The following PPP4R4 variants were observed in gnomAD, a reference collection of about 807,000 sequenced individuals.
PPP4R4 encodes the protein protein phosphatase 4 regulatory subunit 4.
In PPP4R4, 70 loss-of-function variants were observed where a neutral mutation model predicts 121.8. The observed-to-expected ratio is 0.57, with a 90% CI of 0.47 to 0.70. The LOEUF is 0.70. Ranked by LOEUF, PPP4R4 falls within the 30% of genes least tolerant of loss-of-function variation. PPP4R4 has a pLI of 0.00. For synonymous variants in PPP4R4, 348 were observed against 355.7 expected (o/e 0.98, Z 0.24); for missense variants, 875 against 1,033.6 (o/e 0.85, Z 2.10).
intron 2 of PPP4R4, among the ~76,000 whole-genome samples, chr14:94,181,672 C>T (rs185552986): frequency 2.4e-3 from 364 of 152,250 alleles, no homozygotes; most frequent in Non-Finnish European, 3.8e-3. Context: ...ATGAAGCAGT[C>T]TGAAAGCATG....
chr14:94,186,710 C>T (rs1229472564), intron 2 of PPP4R4, among the ~76,000 whole-genome samples: 1 of 152,140 alleles, frequency 6.6e-6, no homozygotes, highest in Non-Finnish European at 1.5e-5. Flanking sequence ...ACATTTCCAC[C>T]AGCAGTATAT....
chr14:94,227,511 G>A, intron 3 of PPP4R4: 2 of 1,337,968 alleles, frequency 1.5e-6, no homozygotes, highest in Non-Finnish European at 1.9e-6. Context: ...GTTGAAGTCA[G>A]CACAACAAGA....
chr14:94,211,452 G>A (rs116980705), intron 3 of PPP4R4, among the ~76,000 whole-genome samples: 1 of 152,148 alleles, frequency 6.6e-6, no homozygotes, highest in African/African-American at 2.4e-5. Context: ...AAGTAGTTCA[G>A]GTGGAGAGAA....
chr14:94,216,610 T>C, intron 3 of PPP4R4, among the ~76,000 whole-genome samples: 1 of 151,924 alleles, frequency 6.6e-6, no homozygotes, highest in East Asian at 1.9e-4. Context: ...GTGATAAAGG[T>C]GTGGTGGTGA....
At chr14:94,208,060 C>T (rs1039631265) in intron 2 of PPP4R4, among the ~76,000 whole-genome samples, 20 of 151,756 alleles carry the variant, frequency 1.3e-4, no homozygotes, top group African/African-American at 4.8e-4. Context: ...GTCCCTGTTG[C>T]TATGACTATT....
chr14:94,253,763 C>A (rs930479812), intron 16 of PPP4R4, among the ~76,000 whole-genome samples: 3 of 152,168 alleles, frequency 2.0e-5, no homozygotes, highest in Non-Finnish European at 2.9e-5. Flanking sequence ...TGCAGGGCAG[C>A]AGATTATTGT....
intron 2 of PPP4R4, among the ~76,000 whole-genome samples, chr14:94,192,297 A>T (rs1243589184): frequency 2.6e-5 from 4 of 152,164 alleles, no homozygotes; most frequent in Non-Finnish European, 5.9e-5. Flanking sequence ...TTGAAAAATT[A>T]CTGATGTTAG....
intron 2 of PPP4R4, among the ~76,000 whole-genome samples, chr14:94,184,057 A>G (rs1185769925): frequency 1.3e-5 from 2 of 152,174 alleles, no homozygotes; most frequent in Non-Finnish European, 2.9e-5. Flanking sequence ...ATTCATCCCA[A>G]CGCTCCCTCT....
At chr14:94,239,855 A>T (rs537463315) in intron 8 of PPP4R4, among the ~76,000 whole-genome samples, 2 of 152,272 alleles carry the variant, frequency 1.3e-5, no homozygotes, top group African/African-American at 4.8e-5. Flanking sequence ...ACCATTTATT[A>T]TTCATATTTC....
At chr14:94,229,570 G>A (rs763219464) in intron 3 of PPP4R4, among the ~76,000 whole-genome samples, 2 of 152,078 alleles carry the variant, frequency 1.3e-5, no homozygotes, top group Admixed American at 1.3e-4. Flanking sequence ...CGTTCATTTT[G>A]CACAAGTTGA....
At chr14:94,180,694 G>A (rs1177447867) in intron 2 of PPP4R4, among the ~76,000 whole-genome samples, 1 of 149,644 alleles carries the variant, frequency 6.7e-6, no homozygotes, top group Non-Finnish European at 1.5e-5. Flanking sequence ...CGGTCACAGT[G>A]CTCTAACTCC....
At chr14:94,237,457 A>G in intron 7 of PPP4R4, 108 bp from the exon 8 acceptor site, 2 of 1,020,178 alleles carry the variant, frequency 2.0e-6, no homozygotes, top group Non-Finnish European at 2.9e-6. Flanking sequence ...CAGTATCTTT[A>G]TGATTTTTCA....
At position 94,267,013 on chromosome 14, in the gene PPP4R4, T is replaced by C. The variant is rs1894087210; in HGVS notation, c.2433T>C (p.Ser811=). Reference sequence around the variant, plus strand: ...CTGTCTCAGGGTTAGGAAAGACTTCTGTGCTTTCACTAGCTGGTAAGTAGC... The same window carrying C: ...CTGTCTCAGGGTTAGGAAAGACTTCCGTGCTTTCACTAGCTGGTAAGTAGC... The part of the protein sequence containing the change: ...TTSVSGLGKT[S]VLSLADDSFR... Residue 811 remains serine, a synonymous_variant, in exon 23 of 25, where the codon TCT becomes TCC. Coordinates refer to ENST00000304338, the MANE Select transcript of PPP4R4 (RefSeq NM_058237.2). 2 of 1,595,710 alleles carry C rather than the reference T, an allele frequency of 1.3e-6. No individual in the cohort carries two copies. Among genetic ancestry groups the C allele is most frequent in the Non-Finnish European group, 1.7e-6 (2 of 1,165,654 alleles).
intron 14 of PPP4R4, among the ~76,000 whole-genome samples, chr14:94,248,348 C>G (rs937837578): frequency 6.6e-6 from 1 of 152,058 alleles, no homozygotes; most frequent in African/African-American, 2.4e-5. Context: ...ACACATCTAA[C>G]CAAGGAGGCG....
At chr14:94,261,876 C>T (rs1248901475) in intron 19 of PPP4R4, among the ~76,000 whole-genome samples, 1 of 151,934 alleles carries the variant, frequency 6.6e-6, no homozygotes, top group Non-Finnish European at 1.5e-5. Flanking sequence ...CCAATGTTGT[C>T]TTTTGGAGAT....
In PPP4R4 at chr14:94,233,784, G is replaced by T. The variant is rs746031929; in HGVS notation, c.623+25G>T. 2.8e-6 allele frequency: 4 copies of T among 1,441,530 alleles called. 1 individual carries two copies. The South Asian group carries it at 4.8e-5, about 17-fold the overall frequency. 89.3% of individuals were successfully genotyped at this position (1,441,530 alleles called of 1,614,324 possible). On this transcript the variant is annotated intron_variant, in intron 6 of 24. Transcript: ENST00000304338. Reference sequence around the variant, plus strand: ...CGTGAGTATTTGTATGTAATTTTCGGTCTACTTTATTACATTCGTTTAAAA... The same window carrying T: ...CGTGAGTATTTGTATGTAATTTTCGTTCTACTTTATTACATTCGTTTAAAA...
At chr14:94,219,010 G>C (rs1382295064) in intron 3 of PPP4R4, among the ~76,000 whole-genome samples, 1 of 149,162 alleles carries the variant, frequency 6.7e-6, no homozygotes, top group African/African-American at 2.5e-5. Context: ...GAAATTGAGA[G>C]AATTAATTAT....
At chr14:94,269,678 A>G (rs1566705783) in intron 23 of PPP4R4, among the ~76,000 whole-genome samples, 1 of 152,008 alleles carries the variant, frequency 6.6e-6, no homozygotes, top group African/African-American at 2.4e-5. Context: ...AACAAAAACA[A>G]AAACAAACAA....
chr14:94,261,493 C>T (rs66535571), intron 19 of PPP4R4, among the ~76,000 whole-genome samples: 24,267 of 151,798 alleles, frequency 0.16, 2,069 homozygotes, highest in Middle Eastern at 0.24. Flanking sequence ...AAATTTTATA[C>T]GTAAGTGATC....
Sources: allele counts gnomAD v4.1 joint callset (sites outside exome capture counted in the v4.1 genomes callset), GRCh38; gene constraint gnomAD v4.1.1; transcripts MANE v1.5; gene names NCBI Gene and HGNC (gene_info 2026-07-23, HGNC 2026-07-21).